The following CMTM7 variants were observed in gnomAD, a reference collection of about 807,000 sequenced individuals.
The protein encoded by CMTM7 is CKLF-like MARVEL transmembrane domain-containing protein 7.
In CMTM7, 7 loss-of-function variants were observed where a neutral mutation model predicts 19.3. The ratio of observed to expected loss-of-function variants is 0.36; its 90% CI spans 0.21 to 0.68. The LOEUF (loss-of-function observed/expected upper bound fraction) is 0.68. Among genes scored for constraint, CMTM7 ranks in the 30% least tolerant of loss-of-function variants. The pLI, the probability that CMTM7 is intolerant of heterozygous loss-of-function variation, is 0.60. For synonymous variants in CMTM7, 87 were observed against 99.3 expected (o/e 0.88, Z 0.74); for missense variants, 193 against 232.6 (o/e 0.83, Z 1.11).
chr3:32,442,073 C>T (rs1696686762), intron 2 of CMTM7, 60 bp downstream of exon 2: 2 of 1,488,010 alleles, frequency 1.3e-6, no homozygotes, highest in Admixed American at 1.7e-5. Context: ...AGCTAGAGTA[C>T]TGAGACCTGA....
intron 1 of CMTM7, among the ~76,000 whole-genome samples, chr3:32,416,102 C>T (rs1696257405): frequency 1.3e-5 from 2 of 152,336 alleles, no homozygotes; most frequent in African/African-American, 4.8e-5. Context: ...CACGTCCCTT[C>T]TCTTGGTCTC....
intron 1 of CMTM7, among the ~76,000 whole-genome samples, chr3:32,402,711 C>G (rs1398442287): frequency 6.6e-6 from 1 of 152,158 alleles, no homozygotes; most frequent in Admixed American, 6.5e-5. Context: ...GGATTACAGG[C>G]TCCCGCTACT....
chr3:32,439,506 T>C (rs564452673), intron 1 of CMTM7, among the ~76,000 whole-genome samples: 1 of 152,172 alleles, frequency 6.6e-6, no homozygotes, highest in Non-Finnish European at 1.5e-5. Context: ...CAGGCTGGAG[T>C]GCAGTGACGT....
chr3:32,446,315 C>T (rs1470619004), intron 2 of CMTM7, among the ~76,000 whole-genome samples: 1 of 152,082 alleles, frequency 6.6e-6, no homozygotes, highest in Non-Finnish European at 1.5e-5. Context: ...GTATTTCTTA[C>T]ATTCTTTTTA....
chr3:32,438,172 C>A (rs1053776364), intron 1 of CMTM7, among the ~76,000 whole-genome samples: 7 of 152,216 alleles, frequency 4.6e-5, no homozygotes, highest in African/African-American at 1.4e-4. Flanking sequence ...TAACTGGGAA[C>A]ACGAAGACAC....
chr3:32,421,318 C>T lies in CMTM7; in HGVS notation c.160-20522C>T, dbSNP rs146178205. On this transcript the variant is annotated intron_variant, in intron 1 of 4. Transcript: ENST00000334983. ...CTTCCTCAGCCTGGAATCTGATCCC[C>T]ACCCCATCCCGCCAGCTTTGCTTCC... Among the ~76,000 whole-genome samples, 320 of 152,294 alleles carry T rather than the reference C, an allele frequency of 2.1e-3. 1 individual carries two copies. The highest frequency in any genetic ancestry group is 3.7e-3 in the Non-Finnish European group (250 of 68,020).
intron 1 of CMTM7, among the ~76,000 whole-genome samples, chr3:32,424,154 A>G (rs1696388715): frequency 6.6e-6 from 1 of 152,210 alleles, no homozygotes; most frequent in Non-Finnish European, 1.5e-5. Flanking sequence ...GGCCAGAGTC[A>G]TCTGAAGGCT....
chr3:32,410,256 C>T (rs1481583286), intron 1 of CMTM7, among the ~76,000 whole-genome samples: 1 of 152,226 alleles, frequency 6.6e-6, no homozygotes, highest in Non-Finnish European at 1.5e-5. Flanking sequence ...TAGATCTTCT[C>T]TACCAAGACC....
At chr3:32,414,843 G>A (rs1275985094) in intron 1 of CMTM7, among the ~76,000 whole-genome samples, 1 of 152,284 alleles carries the variant, frequency 6.6e-6, no homozygotes, top group African/African-American at 2.4e-5. Context: ...AGCTCTCTAA[G>A]TGGGGTACTA....
chr3:32,426,569 T>C (rs983296563), intron 1 of CMTM7, among the ~76,000 whole-genome samples: 21 of 152,082 alleles, frequency 1.4e-4, no homozygotes, highest in Non-Finnish European at 2.6e-4. Flanking sequence ...GCGGAAGGGG[T>C]GGAGTTACAA....
rs372050701 is a variant in CMTM7, at chr3:32,394,063, G to A, written c.159+1998G>A. ...TGAGGAGTCTTACACCTGCCCTGGA[G>A]GATTCCCCATCACTGCTGCAGGCTT... is the stretch of plus-strand genomic sequence containing the variant. On this transcript the variant is annotated intron_variant, in intron 1 of 4. Transcript: ENST00000334983. Among the ~76,000 whole-genome samples the A allele has an allele frequency of 7.9e-5, 12 of 152,304 alleles. No individual in the cohort carries two copies. The East Asian group carries it at 9.7e-4, about 12-fold the overall frequency.
chr3:32,435,750 C>A (rs1051453876), intron 1 of CMTM7, among the ~76,000 whole-genome samples: 6 of 152,120 alleles, frequency 3.9e-5, no homozygotes, highest in African/African-American at 1.4e-4. Context: ...TTAAATAAAG[C>A]CACTGCCATA....
At chr3:32,433,645 A>G (rs1393005568) in intron 1 of CMTM7, among the ~76,000 whole-genome samples, 1 of 152,178 alleles carries the variant, frequency 6.6e-6, no homozygotes. Flanking sequence ...AAAACACAGC[A>G]TGGTTCTCTC....
rs1321478126 is a variant in CMTM7, at chr3:32,455,288, G to C, written c.*1034G>C. 6.6e-6 allele frequency: 1 copy of C among 152,246 alleles called. No individual in the cohort carries two copies. The highest frequency in any genetic ancestry group is 2.4e-5 in the African/African-American group (1 of 41,434). The allele number at this position is 152,246 out of a possible 1,614,324, so 9.4% of individuals were successfully genotyped here. Reference sequence around the variant, plus strand: ...AATAGCGATGGTAGTGACTGCAAGGGGGCAGGTTATAGGACCACATTTTTA... The same window carrying C: ...AATAGCGATGGTAGTGACTGCAAGGCGGCAGGTTATAGGACCACATTTTTA... On this transcript the variant is annotated 3_prime_UTR_variant, in exon 5 of 5. Transcript: ENST00000334983.
chr3:32,453,675 T>G (rs1231677769), intron 4 of CMTM7, among the ~76,000 whole-genome samples: 1 of 152,182 alleles, frequency 6.6e-6, no homozygotes, highest in Non-Finnish European at 1.5e-5. Flanking sequence ...CTGGGGCTGC[T>G]GGGAGAGGAC....
intron 1 of CMTM7, among the ~76,000 whole-genome samples, chr3:32,401,428 T>C (rs1696001156): frequency 6.6e-6 from 1 of 152,050 alleles, no homozygotes; most frequent in Non-Finnish European, 1.5e-5. Context: ...AGAGGAGGGG[T>C]TCGGGGTCGG....
At chr3:32,411,338 A>T (rs1053006998) in intron 1 of CMTM7, among the ~76,000 whole-genome samples, 1 of 152,224 alleles carries the variant, frequency 6.6e-6, no homozygotes, top group Non-Finnish European at 1.5e-5. Flanking sequence ...AATTTTACAT[A>T]TTTTTGTGAA....
chr3:32,419,709 CAT>C (rs1195304563), intron 1 of CMTM7, among the ~76,000 whole-genome samples: 1 of 152,194 alleles, frequency 6.6e-6, no homozygotes, highest in African/African-American at 2.4e-5. Flanking sequence ...CTGAACTACT[CAT>C]GCATTCCTGT....
At chr3:32,432,088 C>G (rs1437847467) in intron 1 of CMTM7, among the ~76,000 whole-genome samples, 1 of 152,228 alleles carries the variant, frequency 6.6e-6, no homozygotes, top group Non-Finnish European at 1.5e-5. Flanking sequence ...TCAGATAGAC[C>G]TGGATTTGCT....
Sources: allele counts gnomAD v4.1 joint callset (sites outside exome capture counted in the v4.1 genomes callset), GRCh38; gene constraint gnomAD v4.1.1; transcripts MANE v1.5; gene names NCBI Gene and HGNC (gene_info 2026-07-23, HGNC 2026-07-21).